ATOSA: variants seen among roughly 807,000 people sequenced by gnomAD.
ATOSA encodes atos homolog A, also known as atos homolog protein A.
chr15:52,614,875 G>T, the ATOSA span, among the ~76,000 whole-genome samples: 1 of 152,042 alleles, frequency 6.6e-6, no homozygotes, highest in African/African-American at 2.4e-5. Flanking sequence ...ATTTTTGGAT[G>T]TCAGGTACAA....
the ATOSA span, among the ~76,000 whole-genome samples, chr15:52,607,507 G>A: frequency 6.6e-6 from 1 of 152,154 alleles, no homozygotes; most frequent in South Asian, 2.1e-4. Context: ...AAGGAGCCTG[G>A]ATTAGGAGTC....
chr15:52,651,382 C>T, the ATOSA span, among the ~76,000 whole-genome samples: 1 of 152,192 alleles, frequency 6.6e-6, no homozygotes, highest in Non-Finnish European at 1.5e-5. Flanking sequence ...ACACCAATTC[C>T]TTAAACTATG....
chr15:52,666,228 G>T, the ATOSA span, among the ~76,000 whole-genome samples: 3 of 152,092 alleles, frequency 2.0e-5, no homozygotes, highest in Non-Finnish European at 4.4e-5. Context: ...TAATGTCTTA[G>T]TTTAGGGAAC....
the ATOSA span, among the ~76,000 whole-genome samples, chr15:52,642,013 T>C: frequency 6.6e-6 from 1 of 152,250 alleles, no homozygotes; most frequent in Non-Finnish European, 1.5e-5. Flanking sequence ...TTCAGCTGAT[T>C]CTCACACAAT....
the ATOSA span, among the ~76,000 whole-genome samples, chr15:52,606,927 AAAAGT>A: frequency 6.6e-6 from 1 of 152,210 alleles, no homozygotes; most frequent in East Asian, 1.9e-4. Flanking sequence ...TACTGCTTGG[AAAAGT>A]AAAGGAAAGT....
the ATOSA span, among the ~76,000 whole-genome samples, chr15:52,618,686 C>A: frequency 6.6e-6 from 1 of 152,100 alleles, no homozygotes; most frequent in Non-Finnish European, 1.5e-5. Context: ...TTTTCTTCTT[C>A]TTCTTCTTCT....
At chr15:52,613,451 C>T in the ATOSA span, among the ~76,000 whole-genome samples, 1 of 152,088 alleles carries the variant, frequency 6.6e-6, no homozygotes, top group Non-Finnish European at 1.5e-5. Flanking sequence ...AATTGGGTGC[C>T]CACTTCCCCA....
chr15:52,629,944 AC>A, the ATOSA span, among the ~76,000 whole-genome samples: 2 of 152,236 alleles, frequency 1.3e-5, no homozygotes, highest in African/African-American at 4.8e-5. Context: ...GGAAAATAAG[AC>A]AAAAAACAAA....
the ATOSA span, among the ~76,000 whole-genome samples, chr15:52,701,415 G>A: frequency 6.6e-6 from 1 of 152,092 alleles, no homozygotes. Flanking sequence ...CTCCAGCATG[G>A]GCAACAGAAT....
chr15:52,590,723 T>C, the ATOSA span: 2 of 152,208 alleles, frequency 1.3e-5, no homozygotes, highest in African/African-American at 2.4e-5. Flanking sequence ...ACAAAATTAA[T>C]TCATAGCAGG....
the ATOSA span, among the ~76,000 whole-genome samples, chr15:52,601,716 C>T: frequency 6.6e-6 from 1 of 151,956 alleles, no homozygotes; most frequent in Non-Finnish European, 1.5e-5. Flanking sequence ...ACATTTAAAG[C>T]AAAACACCAC....
the ATOSA span, chr15:52,613,961 T>A: frequency 2.2e-6 from 2 of 901,020 alleles, no homozygotes; most frequent in Non-Finnish European, 3.6e-6. Flanking sequence ...ATTATTCATT[T>A]AACATAGAGT....
the ATOSA span, among the ~76,000 whole-genome samples, chr15:52,706,525 A>C: frequency 6.6e-6 from 1 of 152,336 alleles, no homozygotes; most frequent in African/African-American, 2.4e-5. Context: ...AATGTTCATC[A>C]GACAGGCTGT....
the ATOSA span, among the ~76,000 whole-genome samples, chr15:52,633,187 T>C: frequency 6.6e-6 from 1 of 152,196 alleles, no homozygotes; most frequent in Admixed American, 6.5e-5. Context: ...TACTAGGTGA[T>C]AGGCTGGAGG....
the ATOSA span, chr15:52,593,593 A>G: frequency 2.5e-6 from 4 of 1,572,014 alleles, no homozygotes; most frequent in East Asian, 7.0e-5. Flanking sequence ...AAGGAGAGGG[A>G]GCATTGTCAT....
the ATOSA span, among the ~76,000 whole-genome samples, chr15:52,595,567 T>TA: frequency 6.8e-6 from 1 of 146,786 alleles, no homozygotes; most frequent in Admixed American, 6.8e-5. Context: ...GGCACGAAAA[T>TA]AAAAAAGCCA....
At chr15:52,636,917 C>T in the ATOSA span, among the ~76,000 whole-genome samples, 1 of 152,130 alleles carries the variant, frequency 6.6e-6, no homozygotes, top group African/African-American at 2.4e-5. Flanking sequence ...TTTGGGGATG[C>T]ATGCTCAGAT....
the ATOSA span, among the ~76,000 whole-genome samples, chr15:52,661,018 G>A: frequency 1.1e-4 from 17 of 152,272 alleles, no homozygotes; most frequent in African/African-American, 4.1e-4. Context: ...AGCCCTTTAA[G>A]TAGGTATTAT....
the ATOSA span, among the ~76,000 whole-genome samples, chr15:52,641,765 A>G: frequency 6.6e-6 from 1 of 152,356 alleles, no homozygotes; most frequent in East Asian, 1.9e-4. Context: ...GAACAGAAAC[A>G]ACACATTTTC....
Sources: gnomAD v4.1 joint callset for allele counts (sites outside exome capture counted in the v4.1 genomes callset) on GRCh38, gnomAD v4.1.1 for gene constraint, MANE v1.5 for transcripts, NCBI Gene and HGNC (gene_info 2026-07-23, HGNC 2026-07-21) for gene names.